SH2D4B: variants seen among roughly 807,000 people sequenced by gnomAD.
The protein encoded by SH2D4B is SH2 domain containing 4B.
In SH2D4B, 45 loss-of-function variants were observed where a neutral mutation model predicts 61.5. The ratio of observed to expected loss-of-function variants is 0.73; its 90% CI spans 0.58 to 0.94. SH2D4B has a LOEUF of 0.94. SH2D4B is among the 40% of genes least tolerant of loss of function. The pLI is 0.00. For synonymous variants in SH2D4B, 224 were observed against 220.4 expected, an observed-to-expected ratio of 1.02 and a Z score of -0.14; for missense variants, 572 against 574.2, an observed-to-expected ratio of 1.00 and a Z score of 0.04.
intron 1 of SH2D4B, among the ~76,000 whole-genome samples, chr10:80,566,905 A>G (rs80000444): frequency 0.011 from 1,710 of 152,246 alleles, 32 homozygotes; most frequent in African/African-American, 0.039. Context: ...GTGTTTCTTT[A>G]CTATATATTG....
chr10:80,546,824 G>A (rs900822626), intron 1 of SH2D4B, among the ~76,000 whole-genome samples: 77 of 152,268 alleles, frequency 5.1e-4, no homozygotes, highest in African/African-American at 1.8e-3. Context: ...ACCGCGCCCA[G>A]CCAGCATACG....
At chr10:80,575,399 C>G (rs1401492940) in intron 3 of SH2D4B, among the ~76,000 whole-genome samples, 1 of 152,066 alleles carries the variant, frequency 6.6e-6, no homozygotes, top group Non-Finnish European at 1.5e-5. Flanking sequence ...TGGGAGCCAA[C>G]TGTCCCTGTC....
At chr10:80,573,488 A>C (rs1842088290) in intron 3 of SH2D4B, among the ~76,000 whole-genome samples, 1 of 152,144 alleles carries the variant, frequency 6.6e-6, no homozygotes, top group African/African-American at 2.4e-5. Flanking sequence ...ATTTTACTTC[A>C]ACTAGTTTTC....
intron 1 of SH2D4B, among the ~76,000 whole-genome samples, chr10:80,558,736 C>T (rs534789704): frequency 1.3e-5 from 2 of 152,272 alleles, no homozygotes; most frequent in East Asian, 1.9e-4. Flanking sequence ...AACTCCTGGG[C>T]TCAAGCAATC....
intron 1 of SH2D4B, among the ~76,000 whole-genome samples, chr10:80,553,176 C>T (rs1024279110): frequency 1.3e-5 from 2 of 152,202 alleles, no homozygotes; most frequent in African/African-American, 4.8e-5. Context: ...CCATGGCCTC[C>T]CAAAGTGTTG....
chr10:80,615,866 C>T (rs947992152), intron 6 of SH2D4B, among the ~76,000 whole-genome samples: 24 of 152,060 alleles, frequency 1.6e-4, no homozygotes, highest in Non-Finnish European at 3.2e-4. Flanking sequence ...ACACCCACTA[C>T]GTAGTAGTGT....
intron 1 of SH2D4B, among the ~76,000 whole-genome samples, chr10:80,545,502 C>T (rs1288088226): frequency 6.6e-6 from 1 of 151,866 alleles, no homozygotes; most frequent in Non-Finnish European, 1.5e-5. Context: ...TTTTCTTCTT[C>T]TTCTTCCTCT....
rs1395216125 is a variant in SH2D4B, at chr10:80,588,552, A to T, written c.496-78A>T. 2.6e-5 allele frequency: 41 copies of T among 1,569,112 alleles called. 1 individual carries two copies. The Admixed American group carries it at 6.9e-4, about 26-fold the overall frequency. ...GCACTCTCAGCCCCATCCACTGCAG[A>T]ATCCCAGAGATATTTCTTTCTCGTT... On this transcript the variant is annotated intron_variant, in intron 3 of 7. Transcript: ENST00000646907.
At chr10:80,550,572 T>C (rs1396947406) in intron 1 of SH2D4B, among the ~76,000 whole-genome samples, 1 of 151,880 alleles carries the variant, frequency 6.6e-6, no homozygotes, top group Non-Finnish European at 1.5e-5. Flanking sequence ...CCGGCCTGGG[T>C]GACAGAGTGA....
chr10:80,643,791 A>G (rs1379704180), intron 7 of SH2D4B, among the ~76,000 whole-genome samples: 2 of 151,876 alleles, frequency 1.3e-5, no homozygotes, highest in African/African-American at 4.8e-5. Flanking sequence ...TGTCGATGAC[A>G]AAGTTTTTTT....
At chr10:80,584,579 G>A (rs1279829901) in intron 3 of SH2D4B, among the ~76,000 whole-genome samples, 1 of 152,150 alleles carries the variant, frequency 6.6e-6, no homozygotes, top group Non-Finnish European at 1.5e-5. Flanking sequence ...GAGGATAAAA[G>A]TGTTGCTTAT....
At chr10:80,540,385 GTCC>G (rs1841562108) in intron 1 of SH2D4B, among the ~76,000 whole-genome samples, 1 of 152,172 alleles carries the variant, frequency 6.6e-6, no homozygotes, top group Admixed American at 6.5e-5. Flanking sequence ...TCTGCTTCAT[GTCC>G]TGGGGTCGTG....
intron 1 of SH2D4B, chr10:80,540,951 G>A: frequency 2.7e-6 from 4 of 1,488,684 alleles, no homozygotes; most frequent in Non-Finnish European, 2.8e-6. Context: ...CCCAGCCCCA[G>A]TTGATGTCCA....
chr10:80,617,352 T>C (rs1842672157), intron 6 of SH2D4B, among the ~76,000 whole-genome samples: 3 of 152,216 alleles, frequency 2.0e-5, no homozygotes, highest in Non-Finnish European at 4.4e-5. Flanking sequence ...CACCCTCCTA[T>C]AGAATTCCTG....
chr10:80,596,430 TA>T (rs1274477209), intron 4 of SH2D4B, among the ~76,000 whole-genome samples: 3 of 152,198 alleles, frequency 2.0e-5, no homozygotes, highest in African/African-American at 7.2e-5. Flanking sequence ...TGTGTACTGA[TA>T]AGGAATCTCA....
intron 1 of SH2D4B, among the ~76,000 whole-genome samples, chr10:80,562,799 T>A (rs963815305): frequency 2.0e-5 from 3 of 152,236 alleles, no homozygotes; most frequent in African/African-American, 7.2e-5. Flanking sequence ...ACCTTTCATC[T>A]TTTTGATAAT....
chr10:80,628,150 G>A (rs1396239027), intron 6 of SH2D4B, among the ~76,000 whole-genome samples: 1 of 152,172 alleles, frequency 6.6e-6, no homozygotes, highest in African/African-American at 2.4e-5. Context: ...ACCCTCTGTA[G>A]TTGGCTGAGA....
At chr10:80,599,891 T>C (rs1842431422) in intron 4 of SH2D4B, among the ~76,000 whole-genome samples, 1 of 152,166 alleles carries the variant, frequency 6.6e-6, no homozygotes, top group African/African-American at 2.4e-5. Flanking sequence ...CACTTGTTTT[T>C]TCCATTCTCT....
chr10:80,618,197 C>T (rs1842680521), intron 6 of SH2D4B, among the ~76,000 whole-genome samples: 1 of 152,224 alleles, frequency 6.6e-6, no homozygotes. Flanking sequence ...AGCTGTCAGT[C>T]TAGTCAGTGA....
Sources: gnomAD v4.1 joint callset for allele counts (sites outside exome capture counted in the v4.1 genomes callset) on GRCh38, gnomAD v4.1.1 for gene constraint, MANE v1.5 for transcripts, NCBI Gene and HGNC (gene_info 2026-07-23, HGNC 2026-07-21) for gene names.